Variants in PSMD14 observed in about 807,000 individuals in gnomAD.
PSMD14 encodes ubiquitin C-terminal hydrolase PSMD14.
In PSMD14, 7 loss-of-function variants were observed where a neutral mutation model predicts 41.2. The ratio of observed to expected loss-of-function variants is 0.17; its 90% CI spans 0.10 to 0.32. The LOEUF is 0.32. PSMD14 is among the 10% of genes least tolerant of loss of function. PSMD14 has a pLI of 1.00. For missense variants in PSMD14, 139 were observed against 375.6 expected (o/e 0.37, Z 5.21); for synonymous variants, 114 against 122.3 (o/e 0.93, Z 0.45).
chr2:161,385,833 C>T (rs1431866146), intron 8 of PSMD14, among the ~76,000 whole-genome samples: 1 of 151,672 alleles, frequency 6.6e-6, no homozygotes, highest in Non-Finnish European at 1.5e-5. Flanking sequence ...ATCTTGAAAG[C>T]ATTCTGGCTT....
chr2:161,402,876 A>C (rs1171021405), intron 10 of PSMD14, among the ~76,000 whole-genome samples: 2 of 152,208 alleles, frequency 1.3e-5, no homozygotes, highest in Admixed American at 1.3e-4. Flanking sequence ...AATCAAAACC[A>C]CAATGGCTAG....
At chr2:161,367,667 A>G in intron 4 of PSMD14, 117 bp from the exon 5 acceptor site, 1 of 1,368,300 alleles carries the variant, frequency 7.3e-7, no homozygotes, top group Non-Finnish European at 9.6e-7. Flanking sequence ...TGTTTTAGGT[A>G]CATTTATAAA....
At chr2:161,389,832 A>T (rs1379934775) in intron 8 of PSMD14, among the ~76,000 whole-genome samples, 5 of 140,268 alleles carry the variant, frequency 3.6e-5, no homozygotes, top group African/African-American at 1.3e-4. Flanking sequence ...CTAGCCTTTT[A>T]CTAGCTAGAA....
intron 8 of PSMD14, among the ~76,000 whole-genome samples, chr2:161,389,034 T>C (rs1291928456): frequency 6.6e-6 from 1 of 152,220 alleles, no homozygotes; most frequent in African/African-American, 2.4e-5. Context: ...GTTATTGTTA[T>C]ACCTGCTGAT....
At chr2:161,309,077 A>G (rs1263603296) in intron 1 of PSMD14, among the ~76,000 whole-genome samples, 1 of 152,206 alleles carries the variant, frequency 6.6e-6, no homozygotes, top group Non-Finnish European at 1.5e-5. Flanking sequence ...CAAAAAGTAA[A>G]CAAAAGTCCT....
chr2:161,316,598 AATT>A (rs1205871908), intron 2 of PSMD14, 29 bp downstream of exon 2: 1 of 152,190 alleles, frequency 6.6e-6, no homozygotes, highest in Non-Finnish European at 1.5e-5. Flanking sequence ...TTTTACTTTT[AATT>A]ATTATTTTAC....
At chr2:161,347,592 A>G (rs1683062650) in intron 3 of PSMD14, among the ~76,000 whole-genome samples, 2 of 152,268 alleles carry the variant, frequency 1.3e-5, no homozygotes, top group African/African-American at 4.8e-5. Flanking sequence ...AACAGAAAGT[A>G]CTATTCTTAG....
At chr2:161,411,096 G>A (rs1445433544) in intron 11 of PSMD14, among the ~76,000 whole-genome samples, 1 of 152,032 alleles carries the variant, frequency 6.6e-6, no homozygotes, top group Non-Finnish European at 1.5e-5. Flanking sequence ...AGCTTTCATT[G>A]TGTAATCTAT....
At chr2:161,385,236 A>G (rs918363290) in intron 7 of PSMD14, 2 of 319,526 alleles carry the variant, frequency 6.3e-6, no homozygotes, top group Non-Finnish European at 5.6e-6. Flanking sequence ...TTTTTTCTTT[A>G]CTGCTTCATG....
At chr2:161,312,414 G>C (rs1399375434) in intron 1 of PSMD14, among the ~76,000 whole-genome samples, 1 of 152,150 alleles carries the variant, frequency 6.6e-6, no homozygotes, top group East Asian at 1.9e-4. Context: ...AGAGTGCTGG[G>C]ATTACAGGCA....
At chr2:161,408,346 A>AG in intron 10 of PSMD14, 1 of 156,498 alleles carries the variant, frequency 6.4e-6, no homozygotes, top group Non-Finnish European at 1.4e-5. Flanking sequence ...AAAAGTCGGT[A>AG]GCTCCTTTGA....
At chr2:161,330,940 C>T (rs553371345) in intron 3 of PSMD14, among the ~76,000 whole-genome samples, 84 of 152,216 alleles carry the variant, frequency 5.5e-4, no homozygotes, top group Non-Finnish European at 7.2e-4. Flanking sequence ...GTGTTGTAAA[C>T]GGAGCCTGAG....
intron 1 of PSMD14, among the ~76,000 whole-genome samples, chr2:161,309,882 G>C (rs1420610385): frequency 6.6e-6 from 1 of 152,008 alleles, no homozygotes; most frequent in African/African-American, 2.4e-5. Flanking sequence ...TAGGCCGGGT[G>C]CGGTGGCTCA....
At chr2:161,362,166 A>G (rs1335643686) in intron 3 of PSMD14, among the ~76,000 whole-genome samples, 1 of 152,154 alleles carries the variant, frequency 6.6e-6, no homozygotes, top group Non-Finnish European at 1.5e-5. Flanking sequence ...TTCGGGTTCA[A>G]GCCATCTTCC....
chr2:161,331,274 T>A (rs1280414841), intron 3 of PSMD14, among the ~76,000 whole-genome samples: 4 of 151,742 alleles, frequency 2.6e-5, no homozygotes, highest in Admixed American at 6.6e-5. Context: ...TTTTTTTTTT[T>A]ATTTTTAAGA....
At chr2:161,340,513 A>T (rs1333770523) in intron 3 of PSMD14, among the ~76,000 whole-genome samples, 1 of 152,118 alleles carries the variant, frequency 6.6e-6, no homozygotes, top group Non-Finnish European at 1.5e-5. Context: ...AGCAAGTTTG[A>T]GTGGTAAGAA....
At chr2:161,359,628 A>G (rs878864079) in intron 3 of PSMD14, among the ~76,000 whole-genome samples, 1 of 152,204 alleles carries the variant, frequency 6.6e-6, no homozygotes, top group Non-Finnish European at 1.5e-5. Flanking sequence ...ATGGGGAGAC[A>G]CTGAAGTGTT....
intron 3 of PSMD14, among the ~76,000 whole-genome samples, chr2:161,326,103 T>C (rs192162455): frequency 6.6e-6 from 1 of 152,320 alleles, no homozygotes; most frequent in East Asian, 1.9e-4. Context: ...AGTGGCATGA[T>C]CTTGGCTCAT....
chr2:161,333,165 T>G (rs367786613), intron 3 of PSMD14, among the ~76,000 whole-genome samples: 1 of 152,212 alleles, frequency 6.6e-6, no homozygotes, highest in East Asian at 1.9e-4. Flanking sequence ...TTTCTGGAAA[T>G]AATTGTTGTA....
Sources: gnomAD v4.1 joint callset for allele counts (sites outside exome capture counted in the v4.1 genomes callset) on GRCh38, gnomAD v4.1.1 for gene constraint, MANE v1.5 for transcripts, NCBI Gene and HGNC (gene_info 2026-07-23, HGNC 2026-07-21) for gene names.